SLC8A1: variants seen among roughly 807,000 people sequenced by gnomAD.
SLC8A1 encodes sodium/calcium exchanger 1.
SLC8A1 carries 18 observed loss-of-function variants against 68.3 expected under a neutral mutation model. The ratio of observed to expected loss-of-function variants is 0.26; its 90% CI spans 0.18 to 0.39. The LOEUF (loss-of-function observed/expected upper bound fraction) is 0.39. Among genes scored for constraint, SLC8A1 ranks in the 10% least tolerant of loss-of-function variants. SLC8A1 has a pLI of 1.00. For synonymous variants in SLC8A1, 475 were observed against 415.5 expected (o/e 1.14, Z -1.74); for missense variants, 985 against 1,156.7 (o/e 0.85, Z 2.15).
intron 2 of SLC8A1, among the ~76,000 whole-genome samples, chr2:40,225,543 G>A (rs932753953): frequency 6.6e-6 from 1 of 152,122 alleles, no homozygotes; most frequent in Non-Finnish European, 1.5e-5. Flanking sequence ...CGGAGTTAAA[G>A]ACTATAATGA....
chr2:40,460,047 CAG>C (rs1446808140), intron 1 of SLC8A1, among the ~76,000 whole-genome samples: 2 of 152,098 alleles, frequency 1.3e-5, no homozygotes, highest in Non-Finnish European at 2.9e-5. Context: ...GTTTTATTTG[CAG>C]AGTCTTGTAT....
At chr2:40,234,370 G>A (rs993462441) in intron 2 of SLC8A1, among the ~76,000 whole-genome samples, 2 of 151,958 alleles carry the variant, frequency 1.3e-5, no homozygotes, top group African/African-American at 2.4e-5. Context: ...AATTGTGAAT[G>A]GGAGTTCACT....
chr2:40,482,578 G>A (rs1479719835), intron 1 of SLC8A1, among the ~76,000 whole-genome samples: 1 of 152,032 alleles, frequency 6.6e-6, no homozygotes, highest in African/African-American at 2.4e-5. Flanking sequence ...TTTATGGGAT[G>A]AAGAAACGAA....
intron 6 of SLC8A1, among the ~76,000 whole-genome samples, chr2:40,158,572 G>A (rs1001386734): frequency 3.9e-5 from 6 of 152,144 alleles, no homozygotes; most frequent in East Asian, 3.8e-4. Context: ...AAAGCTCTAG[G>A]CAGGAGTTAG....
chr2:40,223,249 A>C (rs923562584), intron 2 of SLC8A1, among the ~76,000 whole-genome samples: 2 of 152,220 alleles, frequency 1.3e-5, no homozygotes, highest in African/African-American at 4.8e-5. Flanking sequence ...CACCATTCTC[A>C]GCAAACTAAC....
At chr2:40,380,525 C>T (rs1221374552) in intron 2 of SLC8A1, among the ~76,000 whole-genome samples, 1 of 152,008 alleles carries the variant, frequency 6.6e-6, no homozygotes, top group African/African-American at 2.4e-5. Context: ...GATGCAAAAT[C>T]ATTTTTGATT....
chr2:40,485,585 A>G (rs751570863), intron 1 of SLC8A1, among the ~76,000 whole-genome samples: 14 of 152,142 alleles, frequency 9.2e-5, no homozygotes, highest in African/African-American at 1.9e-4. Context: ...TCTGTAATTC[A>G]TCTTTATTTC....
At chr2:40,304,025 GTCAACAT>G (rs1310966724) in intron 2 of SLC8A1, among the ~76,000 whole-genome samples, 13 of 152,206 alleles carry the variant, frequency 8.5e-5, no homozygotes, top group Non-Finnish European at 1.9e-4. Context: ...TAAGCTGGAG[GTCAACAT>G]CTCCTTATGA....
At chr2:40,220,157 TTTTTTGAGGAA>T (rs1205902841) in intron 2 of SLC8A1, 1 of 151,794 alleles carries the variant, frequency 6.6e-6, no homozygotes, top group Non-Finnish European at 1.5e-5. Context: ...GCTTTTTTTT[TTTTTTGAGGAA>T]AAAGAAGAAA....
At chr2:40,241,052 C>T (rs578257240) in intron 2 of SLC8A1, among the ~76,000 whole-genome samples, 2 of 152,216 alleles carry the variant, frequency 1.3e-5, no homozygotes, top group African/African-American at 2.4e-5. Flanking sequence ...TGGACTTGCA[C>T]GTTCATCACT....
exon 5 of SLC8A1, chr2:40,164,935 C>T (rs756280868): frequency 1.9e-6 from 3 of 1,613,888 alleles, no homozygotes; most frequent in South Asian, 2.2e-5. Flanking sequence ...CTGCAATGCG[C>T]CTCTCCTCTT....
intron 1 of SLC8A1, among the ~76,000 whole-genome samples, chr2:40,508,085 T>C (rs575223070): frequency 1.7e-3 from 258 of 152,230 alleles, no homozygotes; most frequent in Non-Finnish European, 3.2e-3. Context: ...ATTTCATATA[T>C]AATTGCACTT....
chr2:40,153,548 T>G (rs1287601585), intron 6 of SLC8A1, among the ~76,000 whole-genome samples: 2 of 152,206 alleles, frequency 1.3e-5, no homozygotes, highest in Admixed American at 6.5e-5. Flanking sequence ...TGCTCATATC[T>G]CCTGTTGGTT....
At chr2:40,344,018 A>G (rs62150836) in intron 2 of SLC8A1, among the ~76,000 whole-genome samples, 8,608 of 152,244 alleles carry the variant, frequency 0.057, 253 homozygotes, top group Middle Eastern at 0.14. Flanking sequence ...TATGAGCAAG[A>G]GAGTGTGTAC....
In SLC8A1 at chr2:40,426,115, C is replaced by T. The variant is rs927011753; in HGVS notation, c.1808+2358G>A. Among the ~76,000 whole-genome samples, 27 of 151,906 alleles carry T rather than the reference C, an allele frequency of 1.8e-4. 1 individual carries two copies. The highest frequency in any genetic ancestry group is 8.3e-4 in the South Asian group (4 of 4,822). ...AAAGCTTGTCAGTAATACAACTCTA[C>T]GAAGTCAAGATGAAATCTCTTCAAA... On this transcript the variant is annotated intron_variant, in intron 2 of 7. Transcript: ENST00000406785.
chr2:40,501,500 C>T (rs1706056512), intron 1 of SLC8A1, among the ~76,000 whole-genome samples: 2 of 152,112 alleles, frequency 1.3e-5, no homozygotes, highest in South Asian at 4.1e-4. Flanking sequence ...CACAAGCACT[C>T]TCTTTTGACC....
intron 2 of SLC8A1, among the ~76,000 whole-genome samples, chr2:40,336,312 C>T (rs1332641379): frequency 3.9e-5 from 6 of 152,178 alleles, no homozygotes; most frequent in East Asian, 1.9e-4. Flanking sequence ...ATATCTTATA[C>T]ACTCAAATGA....
chr2:40,131,893 G>A (rs2039447475), intron 7 of SLC8A1, among the ~76,000 whole-genome samples: 1 of 123,676 alleles, frequency 8.1e-6, no homozygotes, highest in Non-Finnish European at 1.7e-5. Context: ...TTGCCAGCTG[G>A]GTCAGAACTG....
At chr2:40,278,458 A>G (rs912740751) in intron 2 of SLC8A1, among the ~76,000 whole-genome samples, 5 of 149,270 alleles carry the variant, frequency 3.3e-5, no homozygotes, top group African/African-American at 1.3e-4. Context: ...ACAGAGCGAG[A>G]CTCTGTCTCA....
Sources: gnomAD v4.1 joint callset for allele counts (sites outside exome capture counted in the v4.1 genomes callset) on GRCh38, gnomAD v4.1.1 for gene constraint, MANE v1.5 for transcripts, NCBI Gene and HGNC (gene_info 2026-07-23, HGNC 2026-07-21) for gene names.